The following PAH variants were observed in gnomAD, a reference collection of about 807,000 sequenced individuals.
The protein encoded by PAH is phenylalanine hydroxylase, also known as phenylalanine-4-hydroxylase.
Under a neutral mutation model 62.0 loss-of-function variants are expected in PAH, and 64 were observed. The ratio of observed to expected loss-of-function variants is 1.03; its 90% CI spans 0.84 to 1.27. The LOEUF is 1.27. Among genes scored for constraint, PAH ranks in the 50% most tolerant of loss-of-function variants. The pLI is 0.00. For missense variants in PAH, 579 were observed against 542.8 expected, an observed-to-expected ratio of 1.07 and a Z score of -0.66; for synonymous variants, 195 against 196.2, an observed-to-expected ratio of 0.99 and a Z score of 0.05.
In PAH at chr12:102,894,903, G is replaced by T; in HGVS notation, c.184C>A (p.Leu62Met). 6.2e-7 allele frequency: 1 copy of T among 1,613,270 alleles called. No homozygotes were observed. Among genetic ancestry groups the T allele is most frequent in the Non-Finnish European group, 8.5e-7 (1 of 1,179,548 alleles). The change falls in exon 3 of 13, where the codon CTG (leucine) becomes ATG (methionine). Residue 62 changes from leucine (L) to methionine (M), a missense_variant. Leu to Met is a conservative substitution (Grantham distance 15, BLOSUM62 2). Coordinates refer to ENST00000553106, the MANE Select transcript of PAH (RefSeq NM_000277.3). ...LRLFEENDVNLTHIESRPSRL... is the reference protein window; with the variant it reads ...LRLFEENDVNMTHIESRPSRL... Reference sequence around the variant, plus strand: ...GAAGGTCTAGATTCAATGTGGGTCAGGTTTACATCATTCTCCTAGAAGAGA... The same window carrying T: ...GAAGGTCTAGATTCAATGTGGGTCATGTTTACATCATTCTCCTAGAAGAGA...
intron 1 of PAH, among the ~76,000 whole-genome samples, chr12:102,948,433 G>T (rs1879592252): frequency 1.3e-5 from 2 of 152,198 alleles, no homozygotes; most frequent in South Asian, 4.1e-4. Context: ...GAAGAGGAAT[G>T]GAGGTTAAGG....
chr12:102,882,358 TC>T lies in PAH; in HGVS notation c.353-4809del, dbSNP rs762761564. ...CCAGACAGCCCAGGTTTGAATCTTA[TC>T]TCTGCATTTACTATCTATGAGCCCA... On this transcript the variant is annotated intron_variant, in intron 3 of 12. Transcript: ENST00000553106. 4.6e-5 allele frequency among the ~76,000 whole-genome samples: 7 copies of T among 152,278 alleles called. No homozygotes were observed. The East Asian group carries it at 1.4e-3, about 29-fold the overall frequency.
intron 1 of PAH, among the ~76,000 whole-genome samples, chr12:102,928,746 C>G (rs1342430575): frequency 1.3e-5 from 2 of 152,088 alleles, no homozygotes; most frequent in Non-Finnish European, 1.5e-5. Context: ...TTGCTAATTC[C>G]TCTGTGTCTG....
Position 102,878,296 on chromosome 12 carries a change from T to A in PAH, c.353-746A>T, listed in dbSNP as rs147047744. On this transcript the variant is annotated intron_variant, in intron 3 of 12. Transcript: ENST00000553106. ...CGCAAAGCCAGTTAGAAAGCCGTTG[T>A]TGAAGCAGAGTGAACAGAGTCAGAT... Among the ~76,000 whole-genome samples, 491 of 152,350 alleles carry A rather than the reference T, an allele frequency of 3.2e-3. 5 individuals carry two copies. The highest frequency in any genetic ancestry group is 0.012 in the African/African-American group (479 of 41,582).
chr12:102,949,664 G>T (rs979329048), intron 1 of PAH, among the ~76,000 whole-genome samples: 24 of 152,190 alleles, frequency 1.6e-4, no homozygotes, highest in African/African-American at 5.3e-4. Flanking sequence ...TTATATAGGA[G>T]AAGCTTAGGG....
chr12:102,946,015 G>A (rs1879480279), intron 1 of PAH: 1 of 152,272 alleles, frequency 6.6e-6, no homozygotes, highest in Admixed American at 6.5e-5. Flanking sequence ...AAGGTAGTGG[G>A]GTCTCTTCTG....
chr12:102,894,723 T>G lies in PAH; in HGVS notation c.352+12A>C. ...GGAGTTACTTATGTTGCAAAATTCC[T>G]CTAATTCTTACCTGTGTCTTTCTTC... On this transcript the variant is annotated intron_variant, in intron 3 of 12. Coordinates refer to ENST00000553106, the MANE Select transcript of PAH (RefSeq NM_000277.3). 2.5e-6 allele frequency: 4 copies of G among 1,612,222 alleles called. No homozygotes were observed. Among genetic ancestry groups the G allele is most frequent in the Non-Finnish European group, 3.4e-6 (4 of 1,178,188 alleles).
chr12:102,851,997 T>C, intron 7 of PAH: 1 of 515,556 alleles, frequency 1.9e-6, no homozygotes, highest in South Asian at 2.1e-5. Context: ...CAGCCAAGGG[T>C]CTTAAGAGTA....
chr12:102,905,297 A>G (rs1279375624), intron 2 of PAH, among the ~76,000 whole-genome samples: 1 of 152,096 alleles, frequency 6.6e-6, no homozygotes, highest in African/African-American at 2.4e-5. Flanking sequence ...TTCTCATAAA[A>G]CCTTGGCCCC....
upstream of PAH, among the ~76,000 whole-genome samples, chr12:102,918,560 GTTTT>G (rs35026116): frequency 7.8e-5 from 8 of 102,274 alleles, no homozygotes; most frequent in Non-Finnish European, 1.6e-4. Flanking sequence ...CCATGCCTCA[GTTTT>G]TTTTTGTTTT....
rs201885787 is a variant in PAH at position 102,867,927 on chromosome 12, AGATG to A, written c.442-1268_442-1265del. 6.8e-3 allele frequency among the ~76,000 whole-genome samples: 943 copies of A among 138,036 alleles called. 10 individuals carry two copies. Among genetic ancestry groups the A allele is most frequent in the South Asian group, 0.015 (64 of 4,286 alleles). The allele number at this position is 138,036 out of a possible 152,430, so 90.6% of individuals were successfully genotyped here. On this transcript the variant is annotated intron_variant, in intron 4 of 12. Coordinates refer to ENST00000553106, the MANE Select transcript of PAH (RefSeq NM_000277.3). ...TATATATACATGTATATACATATAT[AGATG>A]TATATATACATGTATATACATATAT... is the stretch of plus-strand genomic sequence containing the variant.
rs749365596 is a variant in PAH, at chr12:102,917,152, T to C, written c.-22A>G. On this transcript the variant is annotated 5_prime_UTR_variant, in exon 1 of 13. Transcript: ENST00000553106. ...ACATGCTGGCTCCCCGGGAGTGAGG[T>C]CTCTGGCTTTTTAGGGCCTCAGGTA... 3 of 1,613,538 alleles carry C rather than the reference T, an allele frequency of 1.9e-6. No homozygotes were observed. The highest frequency in any genetic ancestry group is 2.5e-6 in the Non-Finnish European group (3 of 1,179,568).
At chr12:102,958,230 T>C in exon 1 of PAH, 2 of 1,460,466 alleles carry the variant, frequency 1.4e-6, no homozygotes, top group South Asian at 1.3e-5. Context: ...CGCGACTCCT[T>C]GGCCGCCGCT....
intron 3 of PAH, among the ~76,000 whole-genome samples, chr12:102,885,457 C>T (rs556229073): frequency 6.6e-5 from 10 of 152,166 alleles, no homozygotes; most frequent in Non-Finnish European, 1.5e-4. Context: ...CTGGGCTCCG[C>T]GGTTAATGAA....
At chr12:102,889,533 C>CA (rs1362815962) in intron 3 of PAH, among the ~76,000 whole-genome samples, 12 of 113,846 alleles carry the variant, frequency 1.1e-4, no homozygotes, top group African/African-American at 3.4e-4. Context: ...GATAGATAGA[C>CA]GGATAGATAG....
In PAH at chr12:102,892,189, G is replaced by A. The variant is rs1387827625; in HGVS notation, c.352+2546C>T. On this transcript the variant is annotated intron_variant, in intron 3 of 12. Transcript: ENST00000553106. ...TGGTTATACCTACAGGAGAATGAAG[G>A]CAGAGATGAGTCTCCTAGAAAGGCC... 2.6e-5 allele frequency among the ~76,000 whole-genome samples: 4 copies of A among 152,174 alleles called. No homozygotes were observed. In the East Asian group the frequency reaches 7.7e-4, roughly 29 times the overall value.
intron 2 of PAH, among the ~76,000 whole-genome samples, chr12:102,902,967 C>A (rs1448957563): frequency 6.6e-6 from 1 of 152,246 alleles, no homozygotes; most frequent in Non-Finnish European, 1.5e-5. Context: ...GCCAGGGTTG[C>A]AGCTTAATCT....
At chr12:102,866,320 C>T (rs1295895788) in intron 5 of PAH, among the ~76,000 whole-genome samples, 3 of 152,126 alleles carry the variant, frequency 2.0e-5, no homozygotes, top group Non-Finnish European at 2.9e-5. Flanking sequence ...GACACCACTG[C>T]GTAATTAGAC....
intron 4 of PAH, among the ~76,000 whole-genome samples, chr12:102,869,961 T>C (rs566425533): frequency 3.3e-5 from 5 of 152,310 alleles, no homozygotes; most frequent in African/African-American, 1.2e-4. Context: ...ATTAAACTAA[T>C]AGCAGCAATT....
Sources: gnomAD v4.1 joint callset for allele counts (sites outside exome capture counted in the v4.1 genomes callset) on GRCh38, gnomAD v4.1.1 for gene constraint, MANE v1.5 for transcripts, NCBI Gene and HGNC (gene_info 2026-07-23, HGNC 2026-07-21) for gene names.